SCAMP2: variants seen among roughly 807,000 people sequenced by gnomAD.
The protein encoded by SCAMP2 is secretory carrier membrane protein 2, also known as secretory carrier-associated membrane protein 2.
A neutral mutation model predicts 44.1 loss-of-function variants in SCAMP2; 25 were observed. That is an observed-to-expected ratio of 0.57 (90% CI 0.41 to 0.79). The LOEUF (loss-of-function observed/expected upper bound fraction) is 0.79, where lower values mean the gene tolerates loss of function less well. Among genes scored for constraint, SCAMP2 ranks in the 30% least tolerant of loss-of-function variants. The probability of loss-of-function intolerance (pLI) is 0.00; values close to 1 mark genes in which losing one functional copy is unlikely to be tolerated. For synonymous variants in SCAMP2, 156 were observed against 166.0 expected (o/e 0.94, Z 0.46); for missense variants, 355 against 411.0 (o/e 0.86, Z 1.18).
intron 1 of SCAMP2, among the ~76,000 whole-genome samples, chr15:74,863,065 C>A (rs1386493372): frequency 6.6e-6 from 1 of 151,166 alleles, no homozygotes; most frequent in Admixed American, 6.6e-5. Flanking sequence ...GAAAATTAGG[C>A]CGGGTGCAGT....
intron 1 of SCAMP2, among the ~76,000 whole-genome samples, chr15:74,861,562 C>T (rs1018735960): frequency 3.9e-5 from 6 of 152,176 alleles, no homozygotes; most frequent in South Asian, 2.1e-4. Context: ...AGGCCCACAA[C>T]GCCACTAAGC....
rs981402010 is a variant in SCAMP2, at chr15:74,855,214, C to G, written c.58-565G>C. Among the ~76,000 whole-genome samples the G allele has an allele frequency of 1.4e-4, 21 of 152,168 alleles. 1 individual carries two copies. The highest frequency in any genetic ancestry group is 1.3e-3 in the Admixed American group (20 of 15,284). Reference sequence around the variant, plus strand: ...CGCCTCCTGGGTTGAAGCGATTCTCCTGCCTCAGCCTCCTGAGTAGCTGGG... The same window carrying G: ...CGCCTCCTGGGTTGAAGCGATTCTCGTGCCTCAGCCTCCTGAGTAGCTGGG... On this transcript the variant is annotated intron_variant, in intron 1 of 8. Coordinates refer to ENST00000268099, the MANE Select transcript of SCAMP2 (RefSeq NM_005697.5).
At chr15:74,849,600 C>T (rs2064421864) in intron 6 of SCAMP2, among the ~76,000 whole-genome samples, 1 of 151,342 alleles carries the variant, frequency 6.6e-6, no homozygotes, top group African/African-American at 2.4e-5. Context: ...AAAAATTAGC[C>T]AGGTGTGATT....
intron 1 of SCAMP2, among the ~76,000 whole-genome samples, chr15:74,856,738 C>A (rs2064471482): frequency 6.6e-6 from 1 of 152,062 alleles, no homozygotes; most frequent in Admixed American, 6.6e-5. Flanking sequence ...GGACTACACA[C>A]ATGAGCCACC....
intron 1 of SCAMP2, among the ~76,000 whole-genome samples, chr15:74,858,255 T>G (rs895607358): frequency 3.9e-5 from 6 of 152,178 alleles, no homozygotes; most frequent in African/African-American, 1.4e-4. Context: ...CTAGCCACTG[T>G]GTCGAGTTGT....
At chr15:74,853,816 G>C in intron 3 of SCAMP2, 1 of 589,962 alleles carries the variant, frequency 1.7e-6, no homozygotes, top group African/African-American at 1.9e-5. Context: ...AGTGGTGGTG[G>C]TGGGTGGGAT....
At chr15:74,868,833 C>A (rs1370898528) in intron 1 of SCAMP2, among the ~76,000 whole-genome samples, 1 of 152,168 alleles carries the variant, frequency 6.6e-6, no homozygotes, top group African/African-American at 2.4e-5. Flanking sequence ...TGTGAGCCAC[C>A]ATGCCTGGCC....
chr15:74,852,974 T>C (rs943567540), intron 3 of SCAMP2: 11 of 158,066 alleles, frequency 7.0e-5, no homozygotes, highest in African/African-American at 2.6e-4. Flanking sequence ...AGGATGAGAC[T>C]ACAGTCCTTT....
At position 74,848,676 on chromosome 15, in the gene SCAMP2, C is replaced by T. The variant is rs201318050; in HGVS notation, c.658G>A (p.Val220Met). The T allele has an allele frequency of 9.9e-6, 16 of 1,613,566 alleles. No individual in the cohort carries two copies. The highest frequency in any genetic ancestry group is 4.4e-5 in the South Asian group (4 of 91,074). The change falls in exon 7 of 9, where the codon GTG (valine) becomes ATG (methionine). Residue 220 changes from valine to methionine, a missense_variant. Physicochemically the swap from Val to Met is conservative, Grantham distance 21. Transcript: ENST00000268099. ...FRSDNSFSFF[V>M]FFFVFFCQIG... ...TGACAAAAAAATACAAAGAAGAACA[C>T]AAAGAAGCTGAAAGAGTTGTCGGAC...
chr15:74,863,468 G>A lies in SCAMP2; in HGVS notation c.58-8819C>T, dbSNP rs1007073027. Reference sequence around the variant, plus strand: ...CGAGGCTGCAGTGAGCCATGATTGCGCTACTGCACCCTGGCCTGGGTGACA... The same window carrying A: ...CGAGGCTGCAGTGAGCCATGATTGCACTACTGCACCCTGGCCTGGGTGACA... On this transcript the variant is annotated intron_variant, in intron 1 of 8. Transcript: ENST00000268099. Among the ~76,000 whole-genome samples the A allele has an allele frequency of 4.6e-5, 7 of 151,072 alleles. No homozygotes were observed. The East Asian group carries it at 7.8e-4, about 17-fold the overall frequency.
intron 3 of SCAMP2, 104 bp downstream of exon 3, chr15:74,853,917 C>G (rs2064451486): frequency 8.5e-6 from 9 of 1,064,750 alleles, no homozygotes; most frequent in Non-Finnish European, 1.3e-5. Context: ...CTTAGGGGGC[C>G]AAGGCTGAAA....
chr15:74,872,250 T>C (rs548304803), intron 1 of SCAMP2, among the ~76,000 whole-genome samples: 1 of 151,860 alleles, frequency 6.6e-6, no homozygotes, highest in Non-Finnish European at 1.5e-5. Context: ...CCGTCTCTAC[T>C]AAAAGTATGA....
At chr15:74,872,964 T>A (rs2064587212) in intron 1 of SCAMP2, 1 of 461,350 alleles carries the variant, frequency 2.2e-6, no homozygotes, top group African/African-American at 2.1e-5. Flanking sequence ...AGCCTCCGGG[T>A]GCTAGAAGAC....
intron 1 of SCAMP2, among the ~76,000 whole-genome samples, chr15:74,857,922 G>A (rs1384236194): frequency 6.6e-6 from 1 of 152,208 alleles, no homozygotes; most frequent in African/African-American, 2.4e-5. Context: ...ACGCTGTAGG[G>A]CCTCCCTCTT....
Position 74,855,969 on chromosome 15 carries a change from CTT to C in SCAMP2, c.58-1322_58-1321del, listed in dbSNP as rs542458218. Among the ~76,000 whole-genome samples, 20 of 152,264 alleles carry C rather than the reference CTT, an allele frequency of 1.3e-4. 1 individual carries two copies. In the South Asian group the frequency reaches 3.5e-3, roughly 27 times the overall value. On this transcript the variant is annotated intron_variant, in intron 1 of 8. Coordinates refer to ENST00000268099, the MANE Select transcript of SCAMP2 (RefSeq NM_005697.5). ...TCTCTGCATGGGGCTCTGCCATCCT[CTT>C]TACTGTGCCCCTGCTGGCCTGGAAC...
intron 1 of SCAMP2, among the ~76,000 whole-genome samples, chr15:74,865,108 C>T (rs542006223): frequency 1.4e-4 from 20 of 140,138 alleles, no homozygotes; most frequent in African/African-American, 5.1e-4. Context: ...AGGCCAGGCA[C>T]AGTTGCTCAC....
intron 1 of SCAMP2, among the ~76,000 whole-genome samples, chr15:74,872,023 C>G (rs925822021): frequency 6.6e-6 from 1 of 151,680 alleles, no homozygotes; most frequent in Admixed American, 6.6e-5. Flanking sequence ...CCAGCCTGGG[C>G]GACAGAGCAA....
chr15:74,871,387 C>T (rs2064574027), intron 1 of SCAMP2, among the ~76,000 whole-genome samples: 1 of 151,820 alleles, frequency 6.6e-6, no homozygotes, highest in African/African-American at 2.4e-5. Flanking sequence ...CATTTGAATC[C>T]TGGAGGTCAA....
At chr15:74,868,044 T>C (rs996314008) in intron 1 of SCAMP2, among the ~76,000 whole-genome samples, 2 of 152,204 alleles carry the variant, frequency 1.3e-5, no homozygotes, top group Admixed American at 6.5e-5. Context: ...TGAGAAACTT[T>C]TGGGAGCAGA....
Sources: allele counts gnomAD v4.1 joint callset (sites outside exome capture counted in the v4.1 genomes callset), GRCh38; gene constraint gnomAD v4.1.1; transcripts MANE v1.5; gene names NCBI Gene and HGNC (gene_info 2026-07-23, HGNC 2026-07-21).